DSCAM: variants seen among roughly 807,000 people sequenced by gnomAD.
DSCAM encodes cell adhesion molecule DSCAM.
DSCAM carries 47 observed loss-of-function variants against 217.7 expected under a neutral mutation model. The ratio of observed to expected loss-of-function variants is 0.22; its 90% CI spans 0.17 to 0.28. DSCAM has a LOEUF of 0.28. Ranked by LOEUF, DSCAM falls within the 10% of genes least tolerant of loss-of-function variation. DSCAM has a pLI of 1.00. For synonymous variants in DSCAM, 1,056 were observed against 1,015.3 expected (o/e 1.04, Z -0.76); for missense variants, 2,080 against 2,618.3 (o/e 0.79, Z 4.49).
At chr21:40,495,226 T>C (rs954582614) in intron 3 of DSCAM, among the ~76,000 whole-genome samples, 6 of 152,182 alleles carry the variant, frequency 3.9e-5, no homozygotes, top group Non-Finnish European at 7.3e-5. Context: ...GCAACTCATT[T>C]AACAAGGTCA....
At chr21:40,707,941 T>C (rs937830806) in intron 2 of DSCAM, among the ~76,000 whole-genome samples, 10 of 152,186 alleles carry the variant, frequency 6.6e-5, no homozygotes, top group Admixed American at 2.0e-4. Context: ...TTCAGCAACA[T>C]GTGATACAGT....
At chr21:40,161,108 A>G (rs1329567045) in intron 16 of DSCAM, among the ~76,000 whole-genome samples, 2 of 152,122 alleles carry the variant, frequency 1.3e-5, no homozygotes. Context: ...TGCAGCCAGC[A>G]TTTTCCTGGC....
chr21:40,191,723 C>A (rs542547267), intron 11 of DSCAM, among the ~76,000 whole-genome samples: 1 of 152,278 alleles, frequency 6.6e-6, no homozygotes, highest in Admixed American at 6.5e-5. Flanking sequence ...ACAACAGAGC[C>A]ATGCTCCCTC....
At chr21:40,323,386 A>G (rs2074281800) in intron 8 of DSCAM, among the ~76,000 whole-genome samples, 1 of 152,192 alleles carries the variant, frequency 6.6e-6, no homozygotes, top group Admixed American at 6.5e-5. Flanking sequence ...TCAACCATCC[A>G]TTCACATTAC....
chr21:40,208,629 G>C (rs749984551), intron 11 of DSCAM, among the ~76,000 whole-genome samples: 3 of 152,156 alleles, frequency 2.0e-5, no homozygotes, highest in Non-Finnish European at 4.4e-5. Flanking sequence ...GAAACAGCTG[G>C]GGAAAGAAGT....
intron 3 of DSCAM, among the ~76,000 whole-genome samples, chr21:40,640,286 C>T (rs532678186): frequency 6.6e-6 from 1 of 152,298 alleles, no homozygotes; most frequent in South Asian, 2.1e-4. Flanking sequence ...CCCTGACTTT[C>T]TCCCCAGCGG....
At chr21:40,639,127 G>A (rs1053884889) in intron 3 of DSCAM, among the ~76,000 whole-genome samples, 11 of 149,424 alleles carry the variant, frequency 7.4e-5, no homozygotes, top group African/African-American at 2.7e-4. Context: ...GTCCATTTTG[G>A]TCCATTTTGG....
At chr21:40,238,175 C>G (rs907444545) in intron 11 of DSCAM, among the ~76,000 whole-genome samples, 1 of 152,104 alleles carries the variant, frequency 6.6e-6, no homozygotes, top group African/African-American at 2.4e-5. Flanking sequence ...AACTGGGTGC[C>G]TCCAGGAATA....
chr21:40,065,603 G>T (rs572753683), intron 27 of DSCAM, among the ~76,000 whole-genome samples: 6 of 152,244 alleles, frequency 3.9e-5, no homozygotes, highest in African/African-American at 1.4e-4. Context: ...GCCACTCCAC[G>T]GTTGGGGTCG....
intron 18 of DSCAM, among the ~76,000 whole-genome samples, chr21:40,137,705 A>G (rs1013735012): frequency 3.9e-5 from 6 of 152,098 alleles, no homozygotes; most frequent in Non-Finnish European, 5.9e-5. Flanking sequence ...AAAAATATAT[A>G]AAATAAATTT....
intron 3 of DSCAM, among the ~76,000 whole-genome samples, chr21:40,485,119 A>T (rs2076014161): frequency 6.6e-6 from 1 of 151,956 alleles, no homozygotes; most frequent in African/African-American, 2.4e-5. Context: ...CACTGACAAC[A>T]CAAGACTCAC....
At chr21:40,620,881 G>A (rs768546820) in intron 3 of DSCAM, among the ~76,000 whole-genome samples, 3 of 152,156 alleles carry the variant, frequency 2.0e-5, no homozygotes, top group Non-Finnish European at 2.9e-5. Flanking sequence ...ACAATAAACC[G>A]GGTTCCATTT....
chr21:40,686,474 C>A (rs1440869732), intron 3 of DSCAM, among the ~76,000 whole-genome samples: 1 of 152,188 alleles, frequency 6.6e-6, no homozygotes, highest in Admixed American at 6.5e-5. Flanking sequence ...CATGTACACA[C>A]ACCCCTCCTG....
chr21:40,044,338 C>G (rs367604627), intron 30 of DSCAM, 63 bp from the exon 31 acceptor site: 2 of 1,526,510 alleles, frequency 1.3e-6, no homozygotes, highest in East Asian at 2.4e-5. Context: ...TGAGAGCAAG[C>G]GTAGAGGTCA....
At chr21:40,385,549 G>A (rs561189411) in intron 3 of DSCAM, among the ~76,000 whole-genome samples, 39 of 152,248 alleles carry the variant, frequency 2.6e-4, no homozygotes, top group African/African-American at 8.9e-4. Context: ...GTACTAATAC[G>A]TCTACCTAGA....
At chr21:40,530,313 G>A (rs1033766731) in intron 3 of DSCAM, among the ~76,000 whole-genome samples, 2 of 152,080 alleles carry the variant, frequency 1.3e-5, no homozygotes, top group Non-Finnish European at 2.9e-5. Flanking sequence ...TTCTCAATTT[G>A]ACTTTTGTTG....
At chr21:40,469,516 T>C (rs1375523943) in intron 3 of DSCAM, among the ~76,000 whole-genome samples, 2 of 152,204 alleles carry the variant, frequency 1.3e-5, no homozygotes, top group Non-Finnish European at 2.9e-5. Flanking sequence ...ATTTTGTGCT[T>C]TGAAGTGTGG....
chr21:40,753,937 CT>C (rs761155617), intron 1 of DSCAM, among the ~76,000 whole-genome samples: 1 of 152,226 alleles, frequency 6.6e-6, no homozygotes, highest in Non-Finnish European at 1.5e-5. Context: ...TGAGCTTCCA[CT>C]TAACCTGTCC....
intron 3 of DSCAM, among the ~76,000 whole-genome samples, chr21:40,370,045 AG>A (rs1003678715): frequency 6.6e-6 from 1 of 152,204 alleles, no homozygotes; most frequent in African/African-American, 2.4e-5. Context: ...TTGAACAGAA[AG>A]GGCCAACATT....
Sources: allele counts gnomAD v4.1 joint callset (sites outside exome capture counted in the v4.1 genomes callset), GRCh38; gene constraint gnomAD v4.1.1; transcripts MANE v1.5; gene names NCBI Gene and HGNC (gene_info 2026-07-23, HGNC 2026-07-21).